The following ICA1 variants were observed in gnomAD, a reference collection of about 807,000 sequenced individuals.
ICA1 encodes 69 kDa islet cell autoantigen.
Under a neutral mutation model 71.0 loss-of-function variants are expected in ICA1, and 40 were observed. The ratio of observed to expected loss-of-function variants is 0.56; its 90% confidence interval spans 0.44 to 0.73. The LOEUF (loss-of-function observed/expected upper bound fraction) is 0.73, where lower values mean the gene tolerates loss of function less well. ICA1 is among the 30% of genes least tolerant of loss of function. The pLI is 0.00. For missense variants in ICA1, 578 were observed against 576.5 expected, an observed-to-expected ratio of 1.00 and a Z score of -0.03; for synonymous variants, 207 against 209.5, an observed-to-expected ratio of 0.99 and a Z score of 0.10.
intron 7 of ICA1, 142 bp from the exon 8 acceptor site, chr7:8,157,356 CA>C: frequency 2.4e-6 from 2 of 842,646 alleles, no homozygotes; most frequent in Non-Finnish European, 3.6e-6. Context: ...ATTATGCCCC[CA>C]ATTACACTCT....
chr7:8,135,905 A>C (rs577712606), intron 12 of ICA1, among the ~76,000 whole-genome samples: 2 of 152,254 alleles, frequency 1.3e-5, no homozygotes, highest in African/African-American at 2.4e-5. Flanking sequence ...TTGTTCAGGT[A>C]TCTGCTATTC....
chr7:8,135,246 C>T (rs1197987821), intron 12 of ICA1, among the ~76,000 whole-genome samples: 1 of 152,050 alleles, frequency 6.6e-6, no homozygotes, highest in Non-Finnish European at 1.5e-5. Context: ...AGGCTGGTCT[C>T]GAACTCTTGA....
At chr7:8,197,448 G>A (rs1288122725) in intron 6 of ICA1, among the ~76,000 whole-genome samples, 1 of 150,932 alleles carries the variant, frequency 6.6e-6, no homozygotes, top group Non-Finnish European at 1.5e-5. Context: ...AGCTACTCGG[G>A]AGACTGGGGC....
intron 8 of ICA1, among the ~76,000 whole-genome samples, chr7:8,145,019 C>A (rs1796408128): frequency 6.6e-6 from 1 of 152,132 alleles, no homozygotes; most frequent in South Asian, 2.1e-4. Flanking sequence ...CAGAGCAGAC[C>A]TGTGATTGAT....
At chr7:8,194,713 T>C (rs747367723) in intron 6 of ICA1, among the ~76,000 whole-genome samples, 6 of 152,194 alleles carry the variant, frequency 3.9e-5, no homozygotes, top group Non-Finnish European at 7.4e-5. Flanking sequence ...AAAAGTCTAA[T>C]GTTAGGGCGT....
At chr7:8,156,546 C>T (rs73057578) in intron 8 of ICA1, 22,189 of 237,138 alleles carry the variant, frequency 0.094, 1,146 homozygotes, top group Non-Finnish European at 0.11. Context: ...ACACTGTGCA[C>T]GTATCCCTAC....
intron 8 of ICA1, among the ~76,000 whole-genome samples, chr7:8,150,251 A>C (rs1486262277): frequency 6.6e-6 from 1 of 152,226 alleles, no homozygotes; most frequent in African/African-American, 2.4e-5. Flanking sequence ...CAATGGAGGT[A>C]ATGACGAGTA....
intron 4 of ICA1, among the ~76,000 whole-genome samples, chr7:8,227,342 A>G (rs972067750): frequency 6.6e-6 from 1 of 152,186 alleles, no homozygotes; most frequent in African/African-American, 2.4e-5. Context: ...GGCCTGAACC[A>G]AGGTAGTGGC....
chr7:8,158,893 A>C (rs1380701965), intron 6 of ICA1, among the ~76,000 whole-genome samples: 1 of 152,170 alleles, frequency 6.6e-6, no homozygotes, highest in Non-Finnish European at 1.5e-5. Context: ...TCTTAGTCTA[A>C]TGTTAAAATC....
chr7:8,183,188 A>C (rs891988635), intron 6 of ICA1, among the ~76,000 whole-genome samples: 1 of 152,204 alleles, frequency 6.6e-6, no homozygotes, highest in Non-Finnish European at 1.5e-5. Flanking sequence ...TAGCTTAGCA[A>C]CCATCTGACA....
At chr7:8,236,879 T>C (rs1802003878) in intron 1 of ICA1, 1 of 152,312 alleles carries the variant, frequency 6.6e-6, no homozygotes, top group South Asian at 2.1e-4. Context: ...GCAAAACCTC[T>C]AGCTGCCAGA....
At chr7:8,206,024 T>C (rs1246785475) in intron 6 of ICA1, among the ~76,000 whole-genome samples, 2 of 152,034 alleles carry the variant, frequency 1.3e-5, no homozygotes, top group African/African-American at 2.4e-5. Flanking sequence ...CCTTCGTTCT[T>C]TTTTGGGAAA....
At chr7:8,248,795 A>G (rs1223102421) in intron 1 of ICA1, among the ~76,000 whole-genome samples, 1 of 152,214 alleles carries the variant, frequency 6.6e-6, no homozygotes, top group Non-Finnish European at 1.5e-5. Context: ...GTGGGTGCAA[A>G]GTGGTACATT....
chr7:8,141,574 T>C (rs1795240357), intron 10 of ICA1, among the ~76,000 whole-genome samples, 191 bp downstream of exon 10: 5 of 152,198 alleles, frequency 3.3e-5, no homozygotes, highest in Admixed American at 2.0e-4. Flanking sequence ...ACAGCCTCTC[T>C]CAGTAATGCT....
chr7:8,138,942 G>A (rs771684524), intron 11 of ICA1, 43 bp downstream of exon 11: 3 of 1,597,972 alleles, frequency 1.9e-6, no homozygotes, highest in South Asian at 1.1e-5. Context: ...AGGAGTTTGA[G>A]TCAAATAATT....
chr7:8,258,539 T>C (rs762904230), intron 1 of ICA1, among the ~76,000 whole-genome samples: 1 of 152,118 alleles, frequency 6.6e-6, no homozygotes, highest in Non-Finnish European at 1.5e-5. Context: ...CATCACGGAG[T>C]ATCCTCGCAA....
intron 6 of ICA1, among the ~76,000 whole-genome samples, chr7:8,197,644 G>A (rs1788163907): frequency 6.7e-6 from 1 of 150,046 alleles, no homozygotes; most frequent in Non-Finnish European, 1.5e-5. Flanking sequence ...GATGAAGGGT[G>A]GAAGCCATCC....
At chr7:8,141,716 G>T in intron 10 of ICA1, 49 bp downstream of exon 10, 1 of 1,147,630 alleles carries the variant, frequency 8.7e-7, no homozygotes, top group South Asian at 1.4e-5. Flanking sequence ...TGGCTGTTAA[G>T]CATTAAGTAA....
At chr7:8,140,274 C>T (rs1794761431) in intron 10 of ICA1, among the ~76,000 whole-genome samples, 1 of 152,124 alleles carries the variant, frequency 6.6e-6, no homozygotes. Flanking sequence ...CTTCTGTGGC[C>T]AACAAGAGCA....
Sources: gnomAD v4.1 joint callset for allele counts (sites outside exome capture counted in the v4.1 genomes callset) on GRCh38, gnomAD v4.1.1 for gene constraint, MANE v1.5 for transcripts, NCBI Gene and HGNC (gene_info 2026-07-23, HGNC 2026-07-21) for gene names.